Variants in KHK observed in about 807,000 individuals in gnomAD.
The protein encoded by KHK is ketohexokinase, also known as fructokinase.
KHK carries 37 observed loss-of-function variants against 36.0 expected under a neutral mutation model. The observed-to-expected ratio is 1.03, with a 90% CI of 0.79 to 1.35. KHK has a LOEUF of 1.35. Among genes scored for constraint, KHK ranks in the 40% most tolerant of loss-of-function variants. The pLI, the probability that KHK is intolerant of heterozygous loss-of-function variation, is 0.00. For missense variants in KHK, 395 were observed against 391.9 expected (o/e 1.01, Z -0.07); for synonymous variants, 161 against 162.8 (o/e 0.99, Z 0.08).
At chr2:27,091,807 G>A (rs911775801) in intron 1 of KHK, among the ~76,000 whole-genome samples, 2 of 152,218 alleles carry the variant, frequency 1.3e-5, no homozygotes, top group African/African-American at 4.8e-5. Context: ...CCAACGTCCA[G>A]GTTTGCTGTC....
chr2:27,096,755 A>T lies in KHK; in HGVS notation c.371A>T (p.Asp124Val). The change falls in exon 4 of 8, where the codon GAC becomes GTC. Residue 124 changes from aspartate to valine, a missense_variant. Coordinates refer to ENST00000260598, the MANE Select transcript of KHK (RefSeq NM_006488.3). ...AGCCTGCCAGATGTGTCTGCTACAG[A>T]CTTTGAGAAGGTTGATCTGACCCAG... is the stretch of plus-strand genomic sequence containing the variant. ...DTSLPDVSAT[D>V]FEKVDLTQFK... 6.2e-7 allele frequency: 1 copy of T among 1,614,002 alleles called. No homozygotes were observed. The highest frequency in any genetic ancestry group is 8.5e-7 in the Non-Finnish European group (1 of 1,179,994).
intron 2 of KHK, among the ~76,000 whole-genome samples, chr2:27,092,802 AG>A (rs2148344860): frequency 6.6e-6 from 1 of 152,282 alleles, no homozygotes; most frequent in East Asian, 1.9e-4. Flanking sequence ...TTGAGGCAGA[AG>A]GCAGTTAGGG....
rs1342547452 is a variant in KHK at position 27,100,546 on chromosome 2, ATAATG to A, written c.*800_*804del. On this transcript the variant is annotated 3_prime_UTR_variant, in exon 8 of 8. Coordinates refer to ENST00000260598, the MANE Select transcript of KHK (RefSeq NM_006488.3). ...TCCAATATAGGGTGGGTAAGGCCTTATAATGTAAAGAGCATATAATGTAAAGGGCT... is the reference window on the plus strand; with the variant it reads ...TCCAATATAGGGTGGGTAAGGCCTTATAAAGAGCATATAATGTAAAGGGCT... 1.5e-6 allele frequency: 2 copies of A among 1,290,506 alleles called. No individual in the cohort carries two copies. Among genetic ancestry groups the A allele is most frequent in the South Asian group, 1.2e-5 (1 of 81,012 alleles). The allele number at this position is 1,290,506 out of a possible 1,614,324, so 79.9% of individuals were successfully genotyped here. A position where few individuals can be genotyped will look rare whatever the true frequency, so the allele number is the denominator to read the frequency against.
Position 27,097,559 on chromosome 2 carries a change from C to T in KHK, c.474C>T (p.Thr158=). The change falls in exon 5 of 8, where the codon ACC becomes ACT. Residue 158 remains threonine, a synonymous_variant. Coordinates refer to ENST00000260598, the MANE Select transcript of KHK (RefSeq NM_006488.3). ...KMLQRIDAHN[T]RQPPEQKIRV... ...TGCAGCGGATAGACGCACACAACACCAGGCAGCCTCCAGAGCAGAAGATCC... is the reference window on the plus strand; with the variant it reads ...TGCAGCGGATAGACGCACACAACACTAGGCAGCCTCCAGAGCAGAAGATCC... 1 of 1,614,036 alleles carries T rather than the reference C, an allele frequency of 6.2e-7. No individual in the cohort carries two copies. The highest frequency in any genetic ancestry group is 8.5e-7 in the Non-Finnish European group (1 of 1,180,046).
At chr2:27,096,676 T>C in intron 3 of KHK, 53 bp from the exon 4 acceptor site, 1 of 1,449,320 alleles carries the variant, frequency 6.9e-7, no homozygotes, top group Non-Finnish European at 9.7e-7. Context: ...ATCCTGGCTC[T>C]GCCTGACCCC....
chr2:27,093,878 G>C (rs1021177150), intron 2 of KHK, among the ~76,000 whole-genome samples: 1 of 152,174 alleles, frequency 6.6e-6, no homozygotes, highest in African/African-American at 2.4e-5. Context: ...GATTGCCCAG[G>C]AGGGTTCACC....
intron 2 of KHK, 153 bp from the exon 3 acceptor site, chr2:27,094,647 C>T: frequency 6.2e-6 from 10 of 1,613,772 alleles, no homozygotes; most frequent in East Asian, 2.2e-5. Flanking sequence ...CAGCTGCTGC[C>T]GCCGCCACCA....
rs201072096 is a variant in KHK at position 27,099,594 on chromosome 2, G to A, written c.811+17G>A. ...TCTCCCAGGGTGAGTATGGCAGCAGGAGGGGAAAAGGACTGGGACCTGTCC... is the reference window on the plus strand; with the variant it reads ...TCTCCCAGGGTGAGTATGGCAGCAGAAGGGGAAAAGGACTGGGACCTGTCC... On this transcript the variant is annotated intron_variant, in intron 7 of 7. Transcript: ENST00000260598. 8.8e-5 allele frequency: 142 copies of A among 1,614,130 alleles called. 1 individual carries two copies. Among genetic ancestry groups the A allele is most frequent in the Non-Finnish European group, 3.1e-5 (36 of 1,180,028 alleles).
chr2:27,097,555 A>G lies in KHK; in HGVS notation c.470A>G (p.Asn157Ser). The change falls in exon 5 of 8, where the codon AAC becomes AGC. Residue 157 changes from asparagine (N) to serine (S), a missense_variant. Transcript: ENST00000260598. ...VKMLQRIDAH[N>S]TRQPPEQKIR... ...ATGCTGCAGCGGATAGACGCACACA[A>G]CACCAGGCAGCCTCCAGAGCAGAAG... is the stretch of plus-strand genomic sequence containing the variant. The G allele has an allele frequency of 6.2e-7, 1 of 1,614,004 alleles. No homozygotes were observed. Among genetic ancestry groups the G allele is most frequent in the Non-Finnish European group, 8.5e-7 (1 of 1,180,038 alleles).
chr2:27,092,529 G>A, intron 2 of KHK, 81 bp downstream of exon 2: 1 of 1,034,142 alleles, frequency 9.7e-7, no homozygotes, highest in Non-Finnish European at 1.5e-6. Flanking sequence ...ACCCTGGGTG[G>A]ATGGGGGATT....
Position 27,087,228 on chromosome 2 carries a change from C to T in KHK, c.-32C>T, listed in dbSNP as rs898749183. 52 of 1,544,690 alleles carry T rather than the reference C, an allele frequency of 3.4e-5. No individual in the cohort carries two copies. Among genetic ancestry groups the T allele is most frequent in the African/African-American group, 6.8e-5 (5 of 73,324 alleles). ...CAGAGGCCGGGAGGAACCCCGTCAGCCGGGCGGGCAGGAAGCTCTGGGAGT... is the reference window on the plus strand; with the variant it reads ...CAGAGGCCGGGAGGAACCCCGTCAGTCGGGCGGGCAGGAAGCTCTGGGAGT... On this transcript the variant is annotated 5_prime_UTR_variant, in exon 1 of 8. Transcript: ENST00000260598.
rs547511888 is a variant in KHK, at chr2:27,099,913, T to G, written c.*163T>G. ...CTGTGTTCCCCACAGGGAGAGGCTC[T>G]GGGGGGATGGCTGGGGGATGCAGAG... On this transcript the variant is annotated 3_prime_UTR_variant, in exon 8 of 8. Coordinates refer to ENST00000260598, the MANE Select transcript of KHK (RefSeq NM_006488.3). The G allele has an allele frequency of 6.4e-5, 95 of 1,491,990 alleles. No homozygotes were observed. In the African/African-American group the frequency reaches 1.2e-3, roughly 19 times the overall value. The allele number at this position is 1,491,990 out of a possible 1,614,324, so 92.4% of individuals were successfully genotyped here.
At chr2:27,093,464 G>A (rs1018791815) in intron 2 of KHK, among the ~76,000 whole-genome samples, 11 of 152,154 alleles carry the variant, frequency 7.2e-5, no homozygotes, top group South Asian at 4.1e-4. Context: ...CCATGTGCTC[G>A]ACAAACATTT....
At chr2:27,089,166 G>C (rs888249987) in intron 1 of KHK, among the ~76,000 whole-genome samples, 21 of 152,208 alleles carry the variant, frequency 1.4e-4, no homozygotes, top group African/African-American at 5.1e-4. Context: ...GAGTCTCCTA[G>C]TGTGGAGTCC....
At chr2:27,094,984 A>C (rs766883792) in intron 3 of KHK, 50 bp downstream of exon 3, 13 of 1,608,504 alleles carry the variant, frequency 8.1e-6, no homozygotes, top group Non-Finnish European at 1.1e-5. Context: ...CAGTTGGCTC[A>C]ATCAGTTCCC....
Position 27,099,919 on chromosome 2 carries a change from G to C in KHK, c.*169G>C. On this transcript the variant is annotated 3_prime_UTR_variant, in exon 8 of 8. Coordinates refer to ENST00000260598, the MANE Select transcript of KHK (RefSeq NM_006488.3). Reference sequence around the variant, plus strand: ...TCCCCACAGGGAGAGGCTCTGGGGGGATGGCTGGGGGATGCAGAGCCTCAG... The same window carrying C: ...TCCCCACAGGGAGAGGCTCTGGGGGCATGGCTGGGGGATGCAGAGCCTCAG... The C allele has an allele frequency of 1.4e-6, 2 of 1,456,022 alleles. No homozygotes were observed. The highest frequency in any genetic ancestry group is 1.9e-6 in the Non-Finnish European group (2 of 1,062,282). 90.2% of individuals were successfully genotyped at this position (1,456,022 alleles called of 1,614,324 possible).
chr2:27,094,761 G>A (rs1320643686), intron 2 of KHK, 39 bp from the exon 3 acceptor site: 2 of 1,613,824 alleles, frequency 1.2e-6, no homozygotes, highest in African/African-American at 2.7e-5. Context: ...TCTAATCTGT[G>A]TCTCCTTGCC....
chr2:27,089,339 A>C (rs1477407174), intron 1 of KHK, among the ~76,000 whole-genome samples: 1 of 152,090 alleles, frequency 6.6e-6, no homozygotes, highest in Non-Finnish European at 1.5e-5. Flanking sequence ...GACCTAACCC[A>C]CTGTGCAAGG....
intron 4 of KHK, 37 bp from the exon 5 acceptor site, chr2:27,097,465 AG>A: frequency 1.9e-6 from 3 of 1,611,768 alleles, no homozygotes. Context: ...TTGGCCAGGC[AG>A]TGCCCAGCGG....
Sources: allele counts gnomAD v4.1 joint callset (sites outside exome capture counted in the v4.1 genomes callset), GRCh38; gene constraint gnomAD v4.1.1; transcripts MANE v1.5; gene names NCBI Gene and HGNC (gene_info 2026-07-23, HGNC 2026-07-21).